NEGR1: variants seen among roughly 807,000 people sequenced by gnomAD.
NEGR1 encodes neuronal growth regulator 1.
In NEGR1, 10 loss-of-function variants were observed where a neutral mutation model predicts 40.9. That is an observed-to-expected ratio of 0.24 (90% CI 0.15 to 0.42). NEGR1 has a LOEUF of 0.42. NEGR1 is among the 10% of genes least tolerant of loss of function. The pLI is 1.00. For missense variants in NEGR1, 352 were observed against 438.9 expected, an observed-to-expected ratio of 0.80 and a Z score of 1.77; for synonymous variants, 185 against 166.8, an observed-to-expected ratio of 1.11 and a Z score of -0.84.
intron 1 of NEGR1, among the ~76,000 whole-genome samples, chr1:72,080,165 A>G (rs533074212): frequency 4.6e-5 from 7 of 152,286 alleles, no homozygotes; most frequent in Non-Finnish European, 7.4e-5. Context: ...TGTTATGAAT[A>G]TAATACATCC....
chr1:71,409,406 T>A (rs1646301505), intron 6 of NEGR1, among the ~76,000 whole-genome samples: 1 of 152,002 alleles, frequency 6.6e-6, no homozygotes, highest in African/African-American at 2.4e-5. Flanking sequence ...ATTTAAAAGC[T>A]AAGCATAAAA....
chr1:72,126,979 G>C (rs1390898212), intron 1 of NEGR1, among the ~76,000 whole-genome samples: 4 of 152,064 alleles, frequency 2.6e-5, no homozygotes, highest in Non-Finnish European at 5.9e-5. Flanking sequence ...CTTTTTCCCT[G>C]GAGGGAGTCA....
At chr1:71,684,398 C>T (rs1212736896) in intron 4 of NEGR1, among the ~76,000 whole-genome samples, 2 of 152,070 alleles carry the variant, frequency 1.3e-5, no homozygotes, top group Admixed American at 1.3e-4. Context: ...AGCGTTTGTA[C>T]ATTTGTATAT....
At chr1:72,074,056 C>T (rs1647606455) in intron 1 of NEGR1, among the ~76,000 whole-genome samples, 1 of 152,008 alleles carries the variant, frequency 6.6e-6, no homozygotes, top group African/African-American at 2.4e-5. Flanking sequence ...TATTTTATCA[C>T]CTCTGAAATT....
At chr1:71,868,225 T>C (rs957514960) in intron 2 of NEGR1, among the ~76,000 whole-genome samples, 14 of 152,242 alleles carry the variant, frequency 9.2e-5, no homozygotes, top group African/African-American at 3.4e-4. Flanking sequence ...AATATTCTCA[T>C]GGCAATAACT....
At chr1:72,251,250 A>G (rs1304451130) in intron 1 of NEGR1, among the ~76,000 whole-genome samples, 1 of 152,090 alleles carries the variant, frequency 6.6e-6, no homozygotes, top group Non-Finnish European at 1.5e-5. Context: ...TCCACCATGT[A>G]TTTTTCTTTA....
At chr1:71,417,113 T>G (rs1646361038) in intron 6 of NEGR1, among the ~76,000 whole-genome samples, 1 of 152,222 alleles carries the variant, frequency 6.6e-6, no homozygotes, top group Non-Finnish European at 1.5e-5. Context: ...TGAATTAATC[T>G]GCCAAGTCCT....
intron 1 of NEGR1, among the ~76,000 whole-genome samples, chr1:72,031,106 T>C (rs998636890): frequency 2.0e-5 from 3 of 152,170 alleles, no homozygotes; most frequent in African/African-American, 4.8e-5. Context: ...GAGAAAAATA[T>C]AGCAGCCTGC....
rs932673847 is a variant in NEGR1 at position 71,828,797 on chromosome 1, C to A, written c.410-52500G>T. Among the ~76,000 whole-genome samples, 143 of 151,908 alleles carry A rather than the reference C, an allele frequency of 9.4e-4. 1 individual carries two copies. Among genetic ancestry groups the A allele is most frequent in the African/African-American group, 3.4e-3 (141 of 41,408 alleles). On this transcript the variant is annotated intron_variant, in intron 2 of 6. Coordinates refer to ENST00000357731, the MANE Select transcript of NEGR1 (RefSeq NM_173808.3). ...TCTGATTCTGTGTCATTATTTACTGCCTGCAGTGTGAGCTCTGCTCCTTCA... is the reference window on the plus strand; with the variant it reads ...TCTGATTCTGTGTCATTATTTACTGACTGCAGTGTGAGCTCTGCTCCTTCA...
chr1:72,206,237 C>A (rs1653392611), intron 1 of NEGR1, among the ~76,000 whole-genome samples: 1 of 151,756 alleles, frequency 6.6e-6, no homozygotes, highest in Non-Finnish European at 1.5e-5. Context: ...TTAAAAACAT[C>A]AAATACACAT....
chr1:71,548,131 C>T (rs1221212740), intron 6 of NEGR1, among the ~76,000 whole-genome samples: 1 of 151,782 alleles, frequency 6.6e-6, no homozygotes, highest in Middle Eastern at 3.4e-3. Flanking sequence ...ATTAGAACCA[C>T]CTTGGTAAGC....
rs528722175 is a variant in NEGR1, at chr1:71,898,744, A to G, written c.409+36335T>C. 1.7e-4 allele frequency among the ~76,000 whole-genome samples: 26 copies of G among 151,082 alleles called. No homozygotes were observed. In the East Asian group the frequency reaches 4.9e-3, roughly 28 times the overall value. ...TAATTGTGTTTAAATAAATGTTTGG[A>G]CGTTCAAAACCTATCTTGCAATAAT... is the stretch of plus-strand genomic sequence containing the variant. On this transcript the variant is annotated intron_variant, in intron 2 of 6. Coordinates refer to ENST00000357731, the MANE Select transcript of NEGR1 (RefSeq NM_173808.3).
chr1:71,823,767 A>G (rs1314055783), intron 2 of NEGR1, among the ~76,000 whole-genome samples: 1 of 152,070 alleles, frequency 6.6e-6, no homozygotes, highest in African/African-American at 2.4e-5. Context: ...TTGAGAAAAC[A>G]GTAGCAATGA....
At chr1:71,611,311 G>A (rs1650243854) in intron 4 of NEGR1, among the ~76,000 whole-genome samples, 165 bp from the exon 5 acceptor site, 2 of 152,076 alleles carry the variant, frequency 1.3e-5, no homozygotes, top group African/African-American at 4.8e-5. Context: ...TACAAGACTA[G>A]TCATTTTCAG....
chr1:71,887,626 T>C (rs1284858775), intron 2 of NEGR1, among the ~76,000 whole-genome samples: 2 of 152,158 alleles, frequency 1.3e-5, no homozygotes, highest in Admixed American at 1.3e-4. Context: ...ATCTCAAACA[T>C]TCATCATTTC....
intron 1 of NEGR1, among the ~76,000 whole-genome samples, chr1:72,031,955 C>T (rs1328814788): frequency 6.6e-6 from 1 of 152,178 alleles, no homozygotes; most frequent in Non-Finnish European, 1.5e-5. Flanking sequence ...ATAATCTCCA[C>T]AGCCTAGTGA....
intron 1 of NEGR1, among the ~76,000 whole-genome samples, chr1:72,044,513 T>G (rs1356089705): frequency 6.6e-6 from 1 of 151,814 alleles, no homozygotes; most frequent in East Asian, 1.9e-4. Context: ...ATATCCTAAA[T>G]GCAGAGTTTC....
intron 6 of NEGR1, among the ~76,000 whole-genome samples, chr1:71,533,717 A>G (rs1475776212): frequency 6.6e-6 from 1 of 151,670 alleles, no homozygotes; most frequent in Non-Finnish European, 1.5e-5. Context: ...TAAGATTTCT[A>G]TTTTTAAACT....
rs919486720 is a variant in NEGR1, at chr1:71,712,167, A to C, written c.536-14028T>G. ...TGCTACAAATAGTGATTTTTACTTT[A>C]TGTAAATATAAAGGCAAAAGCATAT... On this transcript the variant is annotated intron_variant, in intron 3 of 6. Coordinates refer to ENST00000357731, the MANE Select transcript of NEGR1 (RefSeq NM_173808.3). 1.4e-4 allele frequency among the ~76,000 whole-genome samples: 21 copies of C among 152,220 alleles called. 1 individual carries two copies. The highest frequency in any genetic ancestry group is 4.8e-4 in the African/African-American group (20 of 41,450).
Sources: gnomAD v4.1 joint callset for allele counts (sites outside exome capture counted in the v4.1 genomes callset) on GRCh38, gnomAD v4.1.1 for gene constraint, MANE v1.5 for transcripts, NCBI Gene and HGNC (gene_info 2026-07-23, HGNC 2026-07-21) for gene names.